XYLB: variants seen among roughly 807,000 people sequenced by gnomAD.
The protein encoded by XYLB is xylulokinase.
A neutral mutation model predicts 78.7 loss-of-function variants in XYLB; 62 were observed. That is an observed-to-expected ratio of 0.79 (90% CI 0.64 to 0.97). The LOEUF is 0.97. XYLB is among the 50% of genes least tolerant of loss of function. The probability of loss-of-function intolerance (pLI) is 0.00; values close to 1 mark genes in which losing one functional copy is unlikely to be tolerated. For missense variants in XYLB, 687 were observed against 676.8 expected, an observed-to-expected ratio of 1.02 and a Z score of -0.17; for synonymous variants, 245 against 247.4, an observed-to-expected ratio of 0.99 and a Z score of 0.09.
chr3:38,400,306 T>C (rs976739807), intron 17 of XYLB, among the ~76,000 whole-genome samples: 2 of 152,060 alleles, frequency 1.3e-5, no homozygotes, highest in Non-Finnish European at 2.9e-5. Flanking sequence ...CTTAAACCAA[T>C]AATCACTGAA....
chr3:38,430,003 C>T, the XYLB span, among the ~76,000 whole-genome samples: 8 of 152,168 alleles, frequency 5.3e-5, no homozygotes, highest in Non-Finnish European at 1.2e-4. Flanking sequence ...GTGAATAGTG[C>T]CACAGTAAAC....
At chr3:38,431,950 A>G in the XYLB span, among the ~76,000 whole-genome samples, 2 of 152,134 alleles carry the variant, frequency 1.3e-5, no homozygotes, top group Admixed American at 6.5e-5. Flanking sequence ...TTATAATTCA[A>G]GATTGAAAAA....
At chr3:38,355,962 A>G (rs1178510064) in intron 2 of XYLB, 6 of 594,960 alleles carry the variant, frequency 1.0e-5, no homozygotes, top group African/African-American at 3.7e-5. Flanking sequence ...TTTAAAGAAA[A>G]TACTGGGGCC....
chr3:38,370,252 A>G, intron 9 of XYLB, 78 bp downstream of exon 9: 1 of 854,404 alleles, frequency 1.2e-6, no homozygotes, highest in Non-Finnish European at 2.0e-6. Flanking sequence ...ACACACACAC[A>G]CACACACACA....
At chr3:38,420,227 T>C (rs1708934030) in exon 18 of XYLB, among the ~76,000 whole-genome samples, 2 of 152,278 alleles carry the variant, frequency 1.3e-5, no homozygotes, top group African/African-American at 4.8e-5. Context: ...CTATCCATCA[T>C]GTCATGTCAT....
chr3:38,357,025 A>G (rs1284793442), intron 2 of XYLB: 1 of 152,260 alleles, frequency 6.6e-6, no homozygotes, highest in Non-Finnish European at 1.5e-5. Context: ...TGCACAGAGG[A>G]AAGGCCTTGT....
rs369132500 is a variant in XYLB, at chr3:38,366,571, C to T, written c.508-237C>T. 1.8e-4 allele frequency among the ~76,000 whole-genome samples: 28 copies of T among 152,256 alleles called. 2 individuals are homozygous for T. The highest frequency in any genetic ancestry group is 1.4e-3 in the Admixed American group (22 of 15,298). ...TTTTAAAATATTTAATTATTAGAAACGAGGTCTCACTGTGTTGCCCAGGCT... is the reference window on the plus strand; with the variant it reads ...TTTTAAAATATTTAATTATTAGAAATGAGGTCTCACTGTGTTGCCCAGGCT... On this transcript the variant is annotated intron_variant, in intron 6 of 18. Coordinates refer to ENST00000207870, the MANE Select transcript of XYLB (RefSeq NM_005108.4).
chr3:38,358,342 TGTGTGTGTGTGTGTG>T lies in XYLB; in HGVS notation c.141-1996_141-1982del, dbSNP rs1559575703. Among the ~76,000 whole-genome samples, 312 of 87,270 alleles carry T rather than the reference TGTGTGTGTGTGTGTG, an allele frequency of 3.6e-3. 2 individuals carry two copies. The highest frequency in any genetic ancestry group is 8.7e-3 in the African/African-American group (262 of 30,210). The allele number at this position is 87,270 out of a possible 152,430, so 57.3% of individuals were successfully genotyped here. On this transcript the variant is annotated intron_variant, in intron 2 of 18. Coordinates refer to ENST00000207870, the MANE Select transcript of XYLB (RefSeq NM_005108.4). ...GTGTGTGTGTGTGTGTGTGTGTGTG[TGTGTGTGTGTGTGTG>T]TTTGAGACAGAGCCTTGCTCTGTTG...
chr3:38,365,347 C>A, intron 5 of XYLB, 62 bp downstream of exon 5: 1 of 1,543,078 alleles, frequency 6.5e-7, no homozygotes, highest in Non-Finnish European at 8.9e-7. Context: ...TCCTGTGGGT[C>A]CTGAAGCCTG....
chr3:38,387,347 C>G (rs990178647), intron 15 of XYLB, among the ~76,000 whole-genome samples: 3 of 150,556 alleles, frequency 2.0e-5, no homozygotes, highest in Non-Finnish European at 4.4e-5. Context: ...TTCAGTTGGA[C>G]AAGTTCATTT....
the XYLB span, among the ~76,000 whole-genome samples, chr3:38,432,962 G>T: frequency 1.3e-5 from 2 of 152,362 alleles, no homozygotes; most frequent in South Asian, 2.1e-4. Flanking sequence ...CAGTGCCCCA[G>T]TGGGAACTCT....
At chr3:38,379,988 A>G (rs1319615711) in intron 15 of XYLB, among the ~76,000 whole-genome samples, 1 of 152,160 alleles carries the variant, frequency 6.6e-6, no homozygotes, top group East Asian at 1.9e-4. Flanking sequence ...CAGAGTCCTG[A>G]GGAGGTAGAG....
At chr3:38,366,407 C>T (rs951870697) in intron 6 of XYLB, among the ~76,000 whole-genome samples, 3 of 152,082 alleles carry the variant, frequency 2.0e-5, no homozygotes, top group Non-Finnish European at 2.9e-5. Context: ...CCAGGAAGGC[C>T]CAGAAGTTAC....
chr3:38,378,010 T>A (rs1311383504), intron 14 of XYLB, among the ~76,000 whole-genome samples: 3 of 152,182 alleles, frequency 2.0e-5, no homozygotes, highest in Admixed American at 2.0e-4. Flanking sequence ...ACATTTTGGG[T>A]TGTACCTGAG....
At chr3:38,424,254 A>C (rs1193309926), downstream of XYLB, among the ~76,000 whole-genome samples, 3 of 152,320 alleles carry the variant, frequency 2.0e-5, no homozygotes, top group East Asian at 5.8e-4. Flanking sequence ...TTTCTTCCAC[A>C]TACTAATCCA....
chr3:38,377,009 G>A lies in XYLB; in HGVS notation c.1194+18G>A. ...ACCACAAGGTACATGTGCTGTTGGTGTTGGAGTTACATTGGCTCCATTTGT... is the reference window on the plus strand; with the variant it reads ...ACCACAAGGTACATGTGCTGTTGGTATTGGAGTTACATTGGCTCCATTTGT... On this transcript the variant is annotated intron_variant, in intron 14 of 18. Coordinates refer to ENST00000207870, the MANE Select transcript of XYLB (RefSeq NM_005108.4). 6.2e-7 allele frequency: 1 copy of A among 1,608,550 alleles called. No homozygotes were observed. Among genetic ancestry groups the A allele is most frequent in the Non-Finnish European group, 8.5e-7 (1 of 1,176,020 alleles).
chr3:38,378,536 G>C (rs1018233655), intron 14 of XYLB, among the ~76,000 whole-genome samples: 1 of 152,194 alleles, frequency 6.6e-6, no homozygotes, highest in African/African-American at 2.4e-5. Context: ...GATCAAGCCT[G>C]GGCGTCTCTG....
chr3:38,364,440 C>A (rs1706139135), intron 4 of XYLB, among the ~76,000 whole-genome samples: 1 of 151,958 alleles, frequency 6.6e-6, no homozygotes, highest in African/African-American at 2.4e-5. Flanking sequence ...AGGGTTCCTA[C>A]CACCTCCAAG....
At chr3:38,384,119 T>C (rs1366601624) in intron 15 of XYLB, among the ~76,000 whole-genome samples, 2 of 152,124 alleles carry the variant, frequency 1.3e-5, no homozygotes, top group Non-Finnish European at 2.9e-5. Context: ...CAGACTGGAG[T>C]GCAGTGGTGT....
Sources: allele counts gnomAD v4.1 joint callset (sites outside exome capture counted in the v4.1 genomes callset), GRCh38; gene constraint gnomAD v4.1.1; transcripts MANE v1.5; gene names NCBI Gene and HGNC (gene_info 2026-07-23, HGNC 2026-07-21).